Variants in WWC2 observed in about 807,000 individuals in gnomAD.
WWC2 encodes the protein WW and C2 domain containing 2.
In WWC2, 101 loss-of-function variants were observed where a neutral mutation model predicts 138.5. The ratio of observed to expected loss-of-function variants is 0.73; its 90% CI spans 0.62 to 0.86. WWC2 has a LOEUF of 0.86. Ranked by LOEUF, WWC2 falls within the 40% of genes least tolerant of loss-of-function variation. The probability of loss-of-function intolerance (pLI) is 0.00; values close to 1 mark genes in which losing one functional copy is unlikely to be tolerated. For missense variants in WWC2, 1,420 were observed against 1,419.4 expected (o/e 1.00, Z -0.01); for synonymous variants, 558 against 538.4 (o/e 1.04, Z -0.50).
At chr4:183,129,751 C>T (rs1436330472) in intron 1 of WWC2, among the ~76,000 whole-genome samples, 4 of 152,162 alleles carry the variant, frequency 2.6e-5, no homozygotes, top group African/African-American at 9.7e-5. Context: ...TGTCCATGTA[C>T]TTATTACATT....
chr4:183,305,744 T>C (rs917100373), intron 21 of WWC2, among the ~76,000 whole-genome samples: 11 of 152,226 alleles, frequency 7.2e-5, no homozygotes, highest in African/African-American at 2.7e-4. Flanking sequence ...TCAGTGGACC[T>C]GCCTAGCAAG....
At chr4:183,120,721 C>G (rs1732571535) in intron 1 of WWC2, among the ~76,000 whole-genome samples, 1 of 151,980 alleles carries the variant, frequency 6.6e-6, no homozygotes. Flanking sequence ...TGGGGAAGTT[C>G]TCTTTAATTT....
chr4:183,122,754 A>G (rs970453286), intron 1 of WWC2, among the ~76,000 whole-genome samples: 6 of 152,074 alleles, frequency 3.9e-5, no homozygotes, highest in Non-Finnish European at 1.5e-5. Flanking sequence ...CCTGGCCTCA[A>G]GTGATCCACC....
At chr4:183,306,334 G>A (rs1403777844) in intron 21 of WWC2, among the ~76,000 whole-genome samples, 2 of 152,124 alleles carry the variant, frequency 1.3e-5, no homozygotes, top group Admixed American at 6.5e-5. Flanking sequence ...TTAAAAAACA[G>A]TTTGTCAGAG....
intron 1 of WWC2, among the ~76,000 whole-genome samples, chr4:183,158,372 G>A (rs1190832494): frequency 7.4e-5 from 5 of 67,332 alleles, no homozygotes; most frequent in Non-Finnish European, 2.9e-5. Context: ...AGTTCCAGAG[G>A]CTGAGTCTGA....
chr4:183,159,555 C>A (rs1029651856), intron 1 of WWC2, among the ~76,000 whole-genome samples: 1 of 152,022 alleles, frequency 6.6e-6, no homozygotes, highest in East Asian at 1.9e-4. Flanking sequence ...AAGCATGCAC[C>A]ACAACACCTG....
In WWC2 at chr4:183,249,985, C is replaced by T. The variant is rs1200800711; in HGVS notation, c.945C>T (p.Ala315=). ...KVRLSLQYEE[A]KRSMANLKIE... is the part of the protein sequence containing the mutation. ...GGCTAAGCCTACAGTATGAAGAAGC[C>T]AAAAGAAGGTAATGACAGAGAAGCT... Residue 315 remains alanine, a synonymous_variant, in exon 8 of 23, where the codon GCC becomes GCT. Transcript: ENST00000403733. 4 of 1,613,122 alleles carry T rather than the reference C, an allele frequency of 2.5e-6. No homozygotes were observed. The highest frequency in any genetic ancestry group is 2.7e-5 in the African/African-American group (2 of 74,828).
chr4:183,149,232 A>G (rs1048217119), intron 1 of WWC2, among the ~76,000 whole-genome samples: 10 of 152,324 alleles, frequency 6.6e-5, no homozygotes, highest in African/African-American at 2.4e-4. Flanking sequence ...AAAAGTAATT[A>G]TCCTGACCTT....
chr4:183,223,294 G>A (rs1017942539), intron 4 of WWC2, among the ~76,000 whole-genome samples: 3 of 152,200 alleles, frequency 2.0e-5, no homozygotes, highest in Admixed American at 1.3e-4. Context: ...GCCCAACATC[G>A]TATTTCTAAG....
At chr4:183,145,012 C>A (rs1304957688) in intron 1 of WWC2, among the ~76,000 whole-genome samples, 2 of 152,214 alleles carry the variant, frequency 1.3e-5, no homozygotes, top group African/African-American at 4.8e-5. Context: ...ATGCTGTGCT[C>A]ATAGAATTCC....
At chr4:183,221,986 T>TGGGGGGG (rs1222004724) in intron 4 of WWC2, among the ~76,000 whole-genome samples, 1 of 152,220 alleles carries the variant, frequency 6.6e-6, no homozygotes, top group Non-Finnish European at 1.5e-5. Flanking sequence ...TAGCCTAAAC[T>TGGGGGGG]GGGAACCAGC....
At chr4:183,144,453 A>G (rs1194826484) in intron 1 of WWC2, among the ~76,000 whole-genome samples, 1 of 152,144 alleles carries the variant, frequency 6.6e-6, no homozygotes, top group Non-Finnish European at 1.5e-5. Context: ...TTTCAATTGC[A>G]GGTTGAAAAA....
At chr4:183,266,655 C>T (rs906757542) in intron 14 of WWC2, among the ~76,000 whole-genome samples, 6 of 152,206 alleles carry the variant, frequency 3.9e-5, no homozygotes, top group Admixed American at 1.3e-4. Flanking sequence ...ATCCAGACTT[C>T]GACTTAGCAC....
At chr4:183,239,868 A>G (rs745930231) in intron 4 of WWC2, among the ~76,000 whole-genome samples, 8 of 152,200 alleles carry the variant, frequency 5.3e-5, no homozygotes, top group Non-Finnish European at 7.3e-5. Flanking sequence ...ACACACTTTT[A>G]TAGAGATGCC....
intron 1 of WWC2, among the ~76,000 whole-genome samples, chr4:183,190,682 A>G (rs909020099): frequency 2.0e-5 from 3 of 152,142 alleles, no homozygotes; most frequent in Non-Finnish European, 2.9e-5. Flanking sequence ...TAAGAATGGA[A>G]TCTTCTGAAT....
chr4:183,197,823 T>C (rs1414407938), intron 2 of WWC2, among the ~76,000 whole-genome samples: 2 of 152,188 alleles, frequency 1.3e-5, no homozygotes, highest in Admixed American at 6.6e-5. Flanking sequence ...CTTTGACGTA[T>C]GTATAGTCCT....
At chr4:183,170,055 G>A (rs1734233568) in intron 1 of WWC2, among the ~76,000 whole-genome samples, 1 of 152,190 alleles carries the variant, frequency 6.6e-6, no homozygotes, top group Non-Finnish European at 1.5e-5. Context: ...TTACTTGAAG[G>A]ATAGTTGGTT....
In WWC2 at chr4:183,129,632, T is replaced by C. The variant is rs570744894; in HGVS notation, c.131+30010T>C. Reference sequence around the variant, plus strand: ...TTCTTATCACTGTTGATGCCAAGAATCTGTACAGTTGTTCTTTCTAAGTCT... The same window carrying C: ...TTCTTATCACTGTTGATGCCAAGAACCTGTACAGTTGTTCTTTCTAAGTCT... On this transcript the variant is annotated intron_variant, in intron 1 of 22. Transcript: ENST00000403733. Among the ~76,000 whole-genome samples, 9 of 152,352 alleles carry C rather than the reference T, an allele frequency of 5.9e-5. No individual in the cohort carries two copies. The South Asian group carries it at 1.9e-3, about 32-fold the overall frequency.
chr4:183,209,362 G>A (rs1735533821), intron 4 of WWC2, among the ~76,000 whole-genome samples: 1 of 152,116 alleles, frequency 6.6e-6, no homozygotes, highest in African/African-American at 2.4e-5. Context: ...AGAGTAGCTG[G>A]GATTACAGGC....
Sources: allele counts gnomAD v4.1 joint callset (sites outside exome capture counted in the v4.1 genomes callset), GRCh38; gene constraint gnomAD v4.1.1; transcripts MANE v1.5; gene names NCBI Gene and HGNC (gene_info 2026-07-23, HGNC 2026-07-21).